The following PRDM16 variants were observed in gnomAD, a reference collection of about 807,000 sequenced individuals.
PRDM16 encodes histone-lysine N-methyltransferase PRDM16.
PRDM16 carries 23 observed loss-of-function variants against 110.6 expected under a neutral mutation model. The observed-to-expected ratio is 0.21, with a 90% confidence interval of 0.15 to 0.29. The LOEUF is 0.29. Among genes scored for constraint, PRDM16 ranks in the 10% least tolerant of loss-of-function variants. The pLI is 1.00. For missense variants in PRDM16, 1,615 were observed against 1,794.3 expected, an observed-to-expected ratio of 0.90 and a Z score of 1.81; for synonymous variants, 799 against 781.8, an observed-to-expected ratio of 1.02 and a Z score of -0.37.
intron 16 of PRDM16, among the ~76,000 whole-genome samples, 162 bp downstream of exon 16, chr1:3,432,302 C>T (rs1033358852): frequency 6.6e-6 from 1 of 152,220 alleles, no homozygotes; most frequent in African/African-American, 2.4e-5. Context: ...GACCACCGCC[C>T]TCCCGCAAGC....
chr1:3,130,799 T>C (rs1643318441), intron 1 of PRDM16, among the ~76,000 whole-genome samples: 1 of 147,806 alleles, frequency 6.8e-6, no homozygotes, highest in Non-Finnish European at 1.5e-5. Context: ...GGGGGGCTGT[T>C]TTTTTTTTTT....
At chr1:3,349,882 T>C (rs1386479120) in intron 3 of PRDM16, among the ~76,000 whole-genome samples, 1 of 152,222 alleles carries the variant, frequency 6.6e-6, no homozygotes, top group Non-Finnish European at 1.5e-5. Flanking sequence ...AGCCCGGGGC[T>C]GGGCTTGCTC....
chr1:3,201,806 C>T lies in PRDM16; in HGVS notation c.387+15332C>T, dbSNP rs1638634954. 1.3e-5 allele frequency among the ~76,000 whole-genome samples: 2 copies of T among 152,244 alleles called. No homozygotes were observed. The highest frequency in any genetic ancestry group is 2.1e-4 in the South Asian group (1 of 4,836). ...TCCCACCTGGCCTCTGTTTCTACCT[C>T]GGGTTGGTGTCTCCCGCCCACTTCT... On this transcript the variant is annotated intron_variant, in intron 2 of 16. Coordinates refer to ENST00000270722, the MANE Select transcript of PRDM16 (RefSeq NM_022114.4). The surrounding 1 kb of genome is among the most constrained non-coding windows in gnomAD (Gnocchi z 4.1).
At chr1:3,104,068 A>G (rs1642592534) in intron 1 of PRDM16, among the ~76,000 whole-genome samples, 1 of 152,208 alleles carries the variant, frequency 6.6e-6, no homozygotes. Context: ...TTGGCCGGGT[A>G]AAGGCATGTT....
chr1:3,165,383 A>G (rs1432427157), intron 1 of PRDM16, among the ~76,000 whole-genome samples: 17 of 149,544 alleles, frequency 1.1e-4, no homozygotes, highest in Admixed American at 2.7e-4. Flanking sequence ...GCTCAGAGAC[A>G]GGGACTCACC....
chr1:3,348,345 G>T (rs1297502448), intron 3 of PRDM16, among the ~76,000 whole-genome samples: 2 of 152,218 alleles, frequency 1.3e-5, no homozygotes, highest in Admixed American at 1.3e-4. Flanking sequence ...TCGGCTGCCT[G>T]GCCAGGTCAC....
At chr1:3,292,432 A>C (rs1259719995) in intron 3 of PRDM16, among the ~76,000 whole-genome samples, 3 of 152,182 alleles carry the variant, frequency 2.0e-5, no homozygotes, top group African/African-American at 4.8e-5. Flanking sequence ...AGCAAAGAAC[A>C]CAGAGAGATA....
rs192707308 is a variant in PRDM16, at chr1:3,223,089, G to A, written c.388-20998G>A. ...GCCAAGGTGGCCCTGCCTCCGCCGT[G>A]GCCAAAATCAAGGCTTTTTTTTTTT... On this transcript the variant is annotated intron_variant, in intron 2 of 16. Coordinates refer to ENST00000270722, the MANE Select transcript of PRDM16 (RefSeq NM_022114.4). Among the ~76,000 whole-genome samples, 301 of 146,028 alleles carry A rather than the reference G, an allele frequency of 2.1e-3. 2 individuals carry two copies. Among genetic ancestry groups the A allele is most frequent in the Non-Finnish European group, 3.9e-3 (262 of 67,602 alleles).
chr1:3,227,750 T>C (rs1639322573), intron 2 of PRDM16, among the ~76,000 whole-genome samples: 1 of 150,016 alleles, frequency 6.7e-6, no homozygotes, highest in Non-Finnish European at 1.5e-5. Flanking sequence ...TCTTCAAATA[T>C]CAGAAGAAAG....
chr1:3,251,420 C>A (rs1197058229), intron 3 of PRDM16, among the ~76,000 whole-genome samples: 1 of 152,296 alleles, frequency 6.6e-6, no homozygotes, highest in African/African-American at 2.4e-5. Context: ...TGAGAACCCA[C>A]GTCCAGGGCT....
chr1:3,224,377 C>T (rs1569874782), intron 2 of PRDM16, among the ~76,000 whole-genome samples: 1 of 152,302 alleles, frequency 6.6e-6, no homozygotes, highest in East Asian at 1.9e-4. Context: ...TGCCAATACC[C>T]AGTAGTGTCT....
intron 11 of PRDM16, 69 bp downstream of exon 11, chr1:3,418,066 C>A (rs1569750248): frequency 1.5e-6 from 2 of 1,347,986 alleles, no homozygotes; most frequent in Non-Finnish European, 2.0e-6. Context: ...TGGCTGTGAA[C>A]CTGTGCTTCC....
At chr1:3,250,793 T>C (rs564103187) in intron 3 of PRDM16, among the ~76,000 whole-genome samples, 1 of 152,336 alleles carries the variant, frequency 6.6e-6, no homozygotes, top group East Asian at 1.9e-4. Flanking sequence ...CTTGTCCTTT[T>C]TCTGTGTCAG....
At chr1:3,072,181 A>C (rs1469697875) in intron 1 of PRDM16, among the ~76,000 whole-genome samples, 1 of 152,178 alleles carries the variant, frequency 6.6e-6, no homozygotes, top group African/African-American at 2.4e-5. Context: ...GGGCTGCTGC[A>C]GCCCCACATT....
intron 3 of PRDM16, among the ~76,000 whole-genome samples, chr1:3,276,926 C>T (rs1420637032): frequency 6.6e-6 from 1 of 152,174 alleles, no homozygotes; most frequent in African/African-American, 2.4e-5. Context: ...CATCTTCTCC[C>T]CATCCCCCAT....
At position 3,433,765 on chromosome 1, in the gene PRDM16, G is replaced by T. The variant is rs1443520832; in HGVS notation, c.3785G>T (p.Gly1262Val). ...CTGGACGCTTGGTTGAAGGTCACTG[G>T]AGCCACGTCGGAGTCTGGAGCATTT... ...GSLDAWLKVT[G>V]ATSESGAFHP... The change falls in exon 17 of 17, where the codon GGA (glycine) becomes GTA (valine). Residue 1262 changes from glycine to valine, a missense_variant. This residue lies in a region of PRDM16 where 327 missense variants were observed against 359.3 expected (regional missense o/e 0.91). Coordinates refer to ENST00000270722, the MANE Select transcript of PRDM16 (RefSeq NM_022114.4). 3 of 1,613,756 alleles carry T rather than the reference G, an allele frequency of 1.9e-6. No individual in the cohort carries two copies. The highest frequency in any genetic ancestry group is 2.5e-6 in the Non-Finnish European group (3 of 1,179,932).
At chr1:3,238,691 C>A (rs905053537) in intron 2 of PRDM16, among the ~76,000 whole-genome samples, 1 of 152,200 alleles carries the variant, frequency 6.6e-6, no homozygotes, top group Non-Finnish European at 1.5e-5. Flanking sequence ...GGAGCCCACA[C>A]GGCCGGAGGG....
In PRDM16 at chr1:3,080,449, G is replaced by A. The variant is rs577708487; in HGVS notation, c.37+11153G>A. Among the ~76,000 whole-genome samples, 3 of 152,224 alleles carry A rather than the reference G, an allele frequency of 2.0e-5. No homozygotes were observed. Among genetic ancestry groups the A allele is most frequent in the South Asian group, 4.1e-4 (2 of 4,822 alleles). On this transcript the variant is annotated intron_variant, in intron 1 of 16. Transcript: ENST00000270722. The surrounding 1 kb of genome is among the most constrained non-coding windows in gnomAD (Gnocchi z 5.2). ...ATCCTTTTCTTTAATGAAACAGCCCGACAATGTGGCTAATTATTTATTTAT... is the reference window on the plus strand; with the variant it reads ...ATCCTTTTCTTTAATGAAACAGCCCAACAATGTGGCTAATTATTTATTTAT...
intron 3 of PRDM16, among the ~76,000 whole-genome samples, chr1:3,314,071 C>CGGCGG (rs1553161916): frequency 1.1e-4 from 11 of 100,656 alleles, no homozygotes; most frequent in African/African-American, 6.7e-4. Flanking sequence ...CCTTCCCCAC[C>CGGCGG]GGGGGGGGGG....
Sources: allele counts gnomAD v4.1 joint callset (sites outside exome capture counted in the v4.1 genomes callset), GRCh38; gene constraint gnomAD v4.1.1; regional missense constraint gnomAD v4.1.1; non-coding constraint Gnocchi (gnomAD v3.1); transcripts MANE v1.5; gene names NCBI Gene and HGNC (gene_info 2026-07-23, HGNC 2026-07-21).